The following NEDD9 variants were observed in gnomAD, a reference collection of about 807,000 sequenced individuals.
The protein encoded by NEDD9 is enhancer of filamentation 1.
Under a neutral mutation model 76.6 loss-of-function variants are expected in NEDD9, and 26 were observed. The ratio of observed to expected loss-of-function variants is 0.34; its 90% CI spans 0.25 to 0.47. The LOEUF (loss-of-function observed/expected upper bound fraction) is 0.47. Among genes scored for constraint, NEDD9 ranks in the 20% least tolerant of loss-of-function variants. The pLI is 1.00. For synonymous variants in NEDD9, 392 were observed against 414.2 expected, an observed-to-expected ratio of 0.95 and a Z score of 0.65; for missense variants, 937 against 1,058.5, an observed-to-expected ratio of 0.89 and a Z score of 1.59.
chr6:11,244,577 C>A (rs753308955), intron 3 of NEDD9, among the ~76,000 whole-genome samples: 7 of 152,142 alleles, frequency 4.6e-5, no homozygotes, highest in Non-Finnish European at 7.4e-5. Context: ...ACCACTCAGG[C>A]CTGATTGGTC....
At chr6:11,187,300 T>G (rs1230133503) in intron 6 of NEDD9, among the ~76,000 whole-genome samples, 2 of 152,206 alleles carry the variant, frequency 1.3e-5, no homozygotes, top group Non-Finnish European at 1.5e-5. Context: ...AAAAGGCTTG[T>G]AAATAAATCC....
intron 3 of NEDD9, among the ~76,000 whole-genome samples, chr6:11,295,639 T>A (rs1186983318): frequency 6.6e-6 from 1 of 152,186 alleles, no homozygotes; most frequent in Non-Finnish European, 1.5e-5. Flanking sequence ...AACTTCCAAC[T>A]ACCTTGCCTC....
At chr6:11,308,304 A>G (rs867015784) in intron 2 of NEDD9, among the ~76,000 whole-genome samples, 23 of 151,018 alleles carry the variant, frequency 1.5e-4, no homozygotes, top group Middle Eastern at 3.4e-3. Flanking sequence ...CTAAGGTCCA[A>G]CGTGGTTTCT....
chr6:11,330,709 C>A (rs942547403), intron 2 of NEDD9, among the ~76,000 whole-genome samples: 1 of 152,182 alleles, frequency 6.6e-6, no homozygotes, highest in Non-Finnish European at 1.5e-5. Flanking sequence ...TCCCCAAGCA[C>A]TGAAATATTT....
rs59642057 is a variant in NEDD9, at chr6:11,359,867, C to T, written c.-214+22272G>A. On this transcript the variant is annotated intron_variant, in intron 1 of 3. Transcript: ENST00000397378. ...TGCCAGATAGCAAGTCGTTTGAGAC[C>T]TGTTTCATGCCATGAGGGACAAACC... is the stretch of plus-strand genomic sequence containing the variant. Among the ~76,000 whole-genome samples, 1,515 of 152,278 alleles carry T rather than the reference C, an allele frequency of 9.9e-3. 31 individuals are homozygous for T. Among genetic ancestry groups the T allele is most frequent in the African/African-American group, 0.035 (1,439 of 41,542 alleles).
chr6:11,240,932 T>C (rs1431732710), intron 3 of NEDD9, among the ~76,000 whole-genome samples: 1 of 152,250 alleles, frequency 6.6e-6, no homozygotes, highest in Non-Finnish European at 1.5e-5. Flanking sequence ...AGGAGTTTAA[T>C]AGTAAAATTG....
In NEDD9 at chr6:11,318,183, C is replaced by A. The variant is rs75386224; in HGVS notation, c.-152-12028G>T. ...AACCACACCATCAGCTCTCTTGGGT[C>A]CCCAGTTTGCCAACTCATTCTGCAG... On this transcript the variant is annotated intron_variant, in intron 2 of 3. Coordinates refer to the NEDD9 transcript ENST00000397378. Among the ~76,000 whole-genome samples the A allele has an allele frequency of 6.6e-3, 999 of 152,308 alleles. 11 individuals carry two copies. The highest frequency in any genetic ancestry group is 0.022 in the African/African-American group (907 of 41,552).
chr6:11,312,692 T>TTA (rs111434917), intron 2 of NEDD9, among the ~76,000 whole-genome samples: 1,742 of 65,900 alleles, frequency 0.026, 26 homozygotes, highest in East Asian at 0.099. Flanking sequence ...ATTATATATA[T>TTA]TATATATATA....
rs377418199 is a variant in NEDD9 at position 11,360,871 on chromosome 6, T to G, written c.-214+21268A>C. ...ATTCAAGAAACAACAATGAGCACTT[T>G]GGTCCTCATATTCTGCGGACAATGG... On this transcript the variant is annotated intron_variant, in intron 1 of 3. Coordinates refer to the NEDD9 transcript ENST00000397378. 7.9e-5 allele frequency among the ~76,000 whole-genome samples: 12 copies of G among 152,350 alleles called. No individual in the cohort carries two copies. In the East Asian group the frequency reaches 9.6e-4, roughly 12 times the overall value.
At chr6:11,359,660 G>T (rs2113549600) in intron 1 of NEDD9, among the ~76,000 whole-genome samples, 1 of 152,354 alleles carries the variant, frequency 6.6e-6, no homozygotes, top group South Asian at 2.1e-4. Context: ...TTCCGCCATG[G>T]TTAAGGCAGA....
At chr6:11,261,819 C>A (rs1176635378) in intron 3 of NEDD9, among the ~76,000 whole-genome samples, 1 of 151,908 alleles carries the variant, frequency 6.6e-6, no homozygotes, top group African/African-American at 2.4e-5. Context: ...AACTAAAAGT[C>A]TGTGTGCAGT....
At chr6:11,197,661 A>G (rs1758324718) in intron 2 of NEDD9, among the ~76,000 whole-genome samples, 1 of 152,190 alleles carries the variant, frequency 6.6e-6, no homozygotes, top group Non-Finnish European at 1.5e-5. Flanking sequence ...AAGCCCAAAG[A>G]CTGGCGTTAT....
chr6:11,335,663 C>A (rs1762142540), intron 1 of NEDD9, among the ~76,000 whole-genome samples: 1 of 152,196 alleles, frequency 6.6e-6, no homozygotes, highest in African/African-American at 2.4e-5. Flanking sequence ...AAATGCTTTC[C>A]AAGTGTTCAT....
At chr6:11,366,297 A>AGGG (rs1561848990) in intron 1 of NEDD9, among the ~76,000 whole-genome samples, 2 of 125,496 alleles carry the variant, frequency 1.6e-5, no homozygotes, top group African/African-American at 5.6e-5. Context: ...GAAGGAAGGA[A>AGGG]AGAAAGAAAG....
At chr6:11,361,396 G>A (rs550500586) in intron 1 of NEDD9, among the ~76,000 whole-genome samples, 81 of 152,288 alleles carry the variant, frequency 5.3e-4, no homozygotes, top group Middle Eastern at 6.8e-3. Context: ...CAATCATGGC[G>A]GAAGGTAGAG....
At position 11,237,733 on chromosome 6, in the gene NEDD9, G is replaced by C. The variant is rs1178337173; in HGVS notation, c.13-24006C>G. ...CCACAGAGATGGCAAAGCCCCCAAA[G>C]CCGAAGAAGAAAAAGTATTATTTGG... On this transcript the variant is annotated intron_variant, in intron 3 of 3. Coordinates refer to the NEDD9 transcript ENST00000397378. This position sits in a 1 kb window ranked among gnomAD's most constrained non-coding sequence, Gnocchi z 4.9. 2.0e-5 allele frequency among the ~76,000 whole-genome samples: 3 copies of C among 152,166 alleles called. No individual in the cohort carries two copies. The highest frequency in any genetic ancestry group is 4.4e-5 in the Non-Finnish European group (3 of 68,030).
At chr6:11,306,849 G>A (rs1582013446) in intron 2 of NEDD9, among the ~76,000 whole-genome samples, 1 of 152,244 alleles carries the variant, frequency 6.6e-6, no homozygotes, top group South Asian at 2.1e-4. Context: ...GATTTTTTGG[G>A]AAAAACATGG....
At chr6:11,237,094 T>C (rs1254811795), upstream of NEDD9, among the ~76,000 whole-genome samples, 4 of 152,158 alleles carry the variant, frequency 2.6e-5, no homozygotes, top group Non-Finnish European at 4.4e-5. The surrounding 1 kb of genome is among the most constrained non-coding windows in gnomAD (Gnocchi z 4.9). Flanking sequence ...TGTATCCTTG[T>C]CTACAACCCC....
At chr6:11,268,463 C>T (rs544129179) in intron 3 of NEDD9, among the ~76,000 whole-genome samples, 3 of 152,062 alleles carry the variant, frequency 2.0e-5, no homozygotes, top group South Asian at 2.1e-4. Context: ...TGCAGTGGCT[C>T]GTGCCTGTAA....
Sources: allele counts gnomAD v4.1 joint callset (sites outside exome capture counted in the v4.1 genomes callset), GRCh38; gene constraint gnomAD v4.1.1; non-coding constraint Gnocchi (gnomAD v3.1); transcripts MANE v1.5; gene names NCBI Gene and HGNC (gene_info 2026-07-23, HGNC 2026-07-21).